HDAC9: variants seen among roughly 807,000 people sequenced by gnomAD.
The protein encoded by HDAC9 is histone deacetylase 9, also known as MEF-2 interacting transcription repressor (MITR) protein.
A neutral mutation model predicts 139.4 loss-of-function variants in HDAC9; 41 were observed. The ratio of observed to expected loss-of-function variants is 0.29; its 90% CI spans 0.23 to 0.38. The LOEUF (loss-of-function observed/expected upper bound fraction) is 0.38. HDAC9 is among the 10% of genes least tolerant of loss of function. HDAC9 has a pLI of 1.00. For missense variants in HDAC9, 1,147 were observed against 1,297.0 expected, an observed-to-expected ratio of 0.88 and a Z score of 1.78; for synonymous variants, 517 against 476.2, an observed-to-expected ratio of 1.09 and a Z score of -1.12.
chr7:18,484,581 T>C (rs1251982905), intron 1 of HDAC9, among the ~76,000 whole-genome samples: 6 of 152,222 alleles, frequency 3.9e-5, no homozygotes, highest in East Asian at 1.9e-4. Flanking sequence ...CATTAACTTA[T>C]GTTTGTGGAT....
intron 2 of HDAC9, among the ~76,000 whole-genome samples, chr7:18,244,988 A>G (rs1245892320): frequency 5.6e-5 from 1 of 17,950 alleles, no homozygotes; most frequent in Admixed American, 5.5e-4. Context: ...TCTATTATCT[A>G]ATCTGCATCT....
At chr7:18,856,570 A>G (rs1463741399) in intron 21 of HDAC9, among the ~76,000 whole-genome samples, 3 of 152,162 alleles carry the variant, frequency 2.0e-5, no homozygotes, top group Admixed American at 6.6e-5. Flanking sequence ...CTACAAATGC[A>G]TTATAAACAT....
chr7:18,653,978 A>G (rs936788096), intron 11 of HDAC9, among the ~76,000 whole-genome samples: 21 of 152,096 alleles, frequency 1.4e-4, no homozygotes, highest in African/African-American at 5.1e-4. Context: ...CAAACATAGC[A>G]TGCATGCCTG....
chr7:18,530,887 A>G (rs971790898), intron 2 of HDAC9, among the ~76,000 whole-genome samples: 1 of 151,440 alleles, frequency 6.6e-6, no homozygotes, highest in African/African-American at 2.4e-5. Flanking sequence ...AAAAAAATCA[A>G]TCGGTATATA....
At chr7:18,616,216 C>T (rs1838552246) in intron 6 of HDAC9, among the ~76,000 whole-genome samples, 1 of 152,092 alleles carries the variant, frequency 6.6e-6, no homozygotes, top group South Asian at 2.1e-4. Flanking sequence ...TTACCTTTAC[C>T]ACCTAATGTG....
At chr7:18,304,298 T>A (rs1798769553) in intron 1 of HDAC9, among the ~76,000 whole-genome samples, 1 of 152,224 alleles carries the variant, frequency 6.6e-6, no homozygotes, top group African/African-American at 2.4e-5. Context: ...ATGATGAGTG[T>A]AAATTACTTT....
chr7:18,931,154 G>A (rs1320162025), intron 22 of HDAC9, among the ~76,000 whole-genome samples: 1 of 152,034 alleles, frequency 6.6e-6, no homozygotes, highest in Non-Finnish European at 1.5e-5. Context: ...TTACCTATTA[G>A]GTTTTTTACA....
chr7:18,592,659 C>T (rs137935352), intron 5 of HDAC9, among the ~76,000 whole-genome samples: 1 of 152,166 alleles, frequency 6.6e-6, no homozygotes, highest in Admixed American at 6.5e-5. Flanking sequence ...CCGCCCTTCT[C>T]TGCATCCCAA....
At chr7:18,133,908 A>C (rs1785198470) in intron 1 of HDAC9, among the ~76,000 whole-genome samples, 1 of 148,984 alleles carries the variant, frequency 6.7e-6, no homozygotes, top group African/African-American at 2.5e-5. Context: ...ATATCTATAT[A>C]TCTGTGTGTG....
intron 2 of HDAC9, among the ~76,000 whole-genome samples, chr7:18,165,205 A>G (rs1160309598): frequency 6.6e-6 from 1 of 152,212 alleles, no homozygotes; most frequent in Non-Finnish European, 1.5e-5. Flanking sequence ...GTCAGATAGT[A>G]AAAATCTCCT....
intron 16 of HDAC9, among the ~76,000 whole-genome samples, chr7:18,771,904 C>T (rs991319788): frequency 6.6e-6 from 1 of 152,022 alleles, no homozygotes; most frequent in Non-Finnish European, 1.5e-5. Flanking sequence ...ATTTTCAAAG[C>T]CATAATGTGT....
At chr7:18,548,074 G>A (rs1420057239) in intron 2 of HDAC9, among the ~76,000 whole-genome samples, 1 of 151,816 alleles carries the variant, frequency 6.6e-6, no homozygotes, top group Non-Finnish European at 1.5e-5. Context: ...TCTTTCACTT[G>A]AACACTTAGA....
chr7:18,272,981 TTTCTCCTCCTCC>T (rs1451546907), intron 2 of HDAC9, among the ~76,000 whole-genome samples: 5 of 148,202 alleles, frequency 3.4e-5, no homozygotes, highest in Admixed American at 6.7e-5. Flanking sequence ...CTTCCTCCTC[TTTCTCCTCCTCC>T]TCCTCTTCTT....
At chr7:18,277,457 G>A (rs1210105982) in intron 2 of HDAC9, among the ~76,000 whole-genome samples, 3 of 152,210 alleles carry the variant, frequency 2.0e-5, no homozygotes, top group African/African-American at 7.2e-5. Context: ...AAAATTACTT[G>A]TACCTGGAGT....
At chr7:18,439,587 A>G (rs1033714419) in intron 1 of HDAC9, among the ~76,000 whole-genome samples, 1 of 152,158 alleles carries the variant, frequency 6.6e-6, no homozygotes, top group Non-Finnish European at 1.5e-5. Context: ...TTTTGGCTCA[A>G]AAACTTCAGA....
intron 2 of HDAC9, among the ~76,000 whole-genome samples, chr7:18,520,487 T>C (rs1420199348): frequency 6.6e-6 from 1 of 152,190 alleles, no homozygotes; most frequent in Non-Finnish European, 1.5e-5. Context: ...TATAAAATTC[T>C]AAGGGAGTAT....
At chr7:18,128,726 A>C (rs1272557952) in intron 1 of HDAC9, among the ~76,000 whole-genome samples, 2 of 151,454 alleles carry the variant, frequency 1.3e-5, no homozygotes, top group African/African-American at 4.9e-5. Context: ...CCTAAATGGT[A>C]GGGGTTAGGG....
chr7:18,168,897 T>TTTG (rs1351720169), intron 2 of HDAC9, among the ~76,000 whole-genome samples: 51 of 94,334 alleles, frequency 5.4e-4, no homozygotes, highest in African/African-American at 2.3e-3. Flanking sequence ...TTTTTTTTTT[T>TTTG]TGTGTGTGTG....
chr7:18,183,127 A>T (rs1789601866), intron 2 of HDAC9, among the ~76,000 whole-genome samples: 1 of 151,192 alleles, frequency 6.6e-6, no homozygotes, highest in South Asian at 2.1e-4. Flanking sequence ...CTCCTGCCTC[A>T]GCTTCCCGAG....
Sources: gnomAD v4.1 joint callset for allele counts (sites outside exome capture counted in the v4.1 genomes callset) on GRCh38, gnomAD v4.1.1 for gene constraint, MANE v1.5 for transcripts, NCBI Gene and HGNC (gene_info 2026-07-23, HGNC 2026-07-21) for gene names.